The following LRMDA variants were observed in gnomAD, a reference collection of about 807,000 sequenced individuals.
LRMDA encodes leucine-rich melanocyte differentiation-associated protein.
Under a neutral mutation model 29.8 loss-of-function variants are expected in LRMDA, and 18 were observed. The ratio of observed to expected loss-of-function variants is 0.60; its 90% CI spans 0.42 to 0.90. The LOEUF (loss-of-function observed/expected upper bound fraction) is 0.90, where lower values mean the gene tolerates loss of function less well. LRMDA is among the 40% of genes least tolerant of loss of function. The probability of loss-of-function intolerance (pLI) is 0.00; values close to 1 mark genes in which losing one functional copy is unlikely to be tolerated. For missense variants in LRMDA, 273 were observed against 273.9 expected (o/e 1.00, Z 0.02); for synonymous variants, 125 against 109.4 (o/e 1.14, Z -0.89).
intron 2 of LRMDA, among the ~76,000 whole-genome samples, chr10:75,598,035 C>G (rs1452638546): frequency 6.6e-6 from 1 of 152,094 alleles, no homozygotes; most frequent in Non-Finnish European, 1.5e-5. Context: ...TTTGCTGCCC[C>G]CGTAGAGCCG....
At chr10:75,988,984 C>G (rs545694086) in intron 2 of LRMDA, among the ~76,000 whole-genome samples, 1 of 152,302 alleles carries the variant, frequency 6.6e-6, no homozygotes, top group Admixed American at 6.5e-5. Context: ...CTTCTCCCAC[C>G]CCAGCTACCT....
At chr10:75,458,989 G>A (rs1003444959) in intron 2 of LRMDA, among the ~76,000 whole-genome samples, 2 of 123,490 alleles carry the variant, frequency 1.6e-5, no homozygotes, top group African/African-American at 3.2e-5. Flanking sequence ...TAACTTCAGG[G>A]TCTGCTTTAG....
At chr10:76,304,818 C>T (rs1840531052) in intron 5 of LRMDA, among the ~76,000 whole-genome samples, 1 of 152,152 alleles carries the variant, frequency 6.6e-6, no homozygotes, top group Admixed American at 6.5e-5. Context: ...GAAGACTAGG[C>T]TTTGCAAAGA....
At chr10:75,922,278 A>G (rs1185807334) in intron 2 of LRMDA, among the ~76,000 whole-genome samples, 1 of 152,188 alleles carries the variant, frequency 6.6e-6, no homozygotes, top group African/African-American at 2.4e-5. Flanking sequence ...TGCCACCTTA[A>G]TGGTCTCTCT....
intron 2 of LRMDA, among the ~76,000 whole-genome samples, chr10:75,829,291 A>T (rs1195500963): frequency 3.3e-5 from 5 of 152,094 alleles, no homozygotes; most frequent in Non-Finnish European, 1.5e-5. Flanking sequence ...CATCCACCCA[A>T]GGCCAGCCCA....
rs542814631 is a variant in LRMDA, at chr10:76,229,719, G to A, written c.517-94682G>A. The stretch of plus-strand genomic sequence containing the variant: ...CCCCACACTTTGAGGTATCTCTTCC[G>A]AGCCCGTGTCTTTGCGGGTGGGAGG... On this transcript the variant is annotated intron_variant, in intron 5 of 6. Coordinates refer to ENST00000611255, the MANE Select transcript of LRMDA (RefSeq NM_001305581.2). Among the ~76,000 whole-genome samples the A allele has an allele frequency of 3.3e-5, 5 of 152,186 alleles. No individual in the cohort carries two copies. In the East Asian group the frequency reaches 5.8e-4, roughly 18 times the overall value.
intron 2 of LRMDA, among the ~76,000 whole-genome samples, chr10:75,684,338 T>C (rs1422566807): frequency 1.3e-5 from 2 of 152,136 alleles, no homozygotes; most frequent in Non-Finnish European, 2.9e-5. Flanking sequence ...TGCGTTGTTG[T>C]TACATCTTTC....
intron 5 of LRMDA, among the ~76,000 whole-genome samples, chr10:76,119,004 G>C (rs1849717988): frequency 6.6e-6 from 1 of 152,002 alleles, no homozygotes; most frequent in South Asian, 2.1e-4. Flanking sequence ...GGAAAGTGAG[G>C]ATGAAGTTCC....
At chr10:76,167,923 AT>A (rs1324751125) in intron 5 of LRMDA, among the ~76,000 whole-genome samples, 1 of 151,790 alleles carries the variant, frequency 6.6e-6, no homozygotes, top group East Asian at 1.9e-4. Context: ...GTCATTTCTG[AT>A]TTTTTTGAGC....
At chr10:75,730,393 T>C (rs1842681910) in intron 2 of LRMDA, among the ~76,000 whole-genome samples, 1 of 152,168 alleles carries the variant, frequency 6.6e-6, no homozygotes, top group South Asian at 2.1e-4. Context: ...TGGTGACTGA[T>C]CTGTCCCTCC....
intron 2 of LRMDA, among the ~76,000 whole-genome samples, chr10:75,471,099 G>A (rs367581360): frequency 1.3e-5 from 2 of 152,186 alleles, no homozygotes; most frequent in Non-Finnish European, 2.9e-5. Flanking sequence ...TTACAGTCAC[G>A]TTCTTGGTGT....
At chr10:75,514,030 A>G (rs937011605) in intron 2 of LRMDA, among the ~76,000 whole-genome samples, 1 of 152,030 alleles carries the variant, frequency 6.6e-6, no homozygotes, top group African/African-American at 2.4e-5. Flanking sequence ...TTCTGGAATC[A>G]CCTTAACTGT....
At chr10:75,895,709 C>T (rs567840002) in intron 2 of LRMDA, among the ~76,000 whole-genome samples, 7 of 152,236 alleles carry the variant, frequency 4.6e-5, no homozygotes, top group Non-Finnish European at 1.0e-4. Flanking sequence ...GTTCCTTGCA[C>T]AAAGAAATTG....
intron 6 of LRMDA, among the ~76,000 whole-genome samples, chr10:76,341,753 T>A (rs1841044709): frequency 6.6e-6 from 1 of 152,200 alleles, no homozygotes; most frequent in Non-Finnish European, 1.5e-5. Flanking sequence ...CCCCTTTCCC[T>A]GCATGTGGGC....
At chr10:75,727,952 T>TC (rs1314272830) in intron 2 of LRMDA, among the ~76,000 whole-genome samples, 1 of 152,194 alleles carries the variant, frequency 6.6e-6, no homozygotes. Flanking sequence ...TTGATTTTTT[T>TC]CCCCTTAATA....
chr10:75,552,388 G>T (rs905653168), intron 2 of LRMDA: 4 of 231,694 alleles, frequency 1.7e-5, no homozygotes, highest in Non-Finnish European at 3.8e-5. Context: ...TGAGCAGTGC[G>T]CTGTCATTCT....
chr10:76,243,270 A>G (rs1447161396), intron 5 of LRMDA, among the ~76,000 whole-genome samples: 1 of 152,236 alleles, frequency 6.6e-6, no homozygotes, highest in Non-Finnish European at 1.5e-5. Context: ...TGAAGAGATC[A>G]TTATAAAGAG....
intron 2 of LRMDA, among the ~76,000 whole-genome samples, chr10:75,792,574 T>G (rs1295902702): frequency 1.3e-5 from 2 of 152,176 alleles, no homozygotes; most frequent in Non-Finnish European, 2.9e-5. Context: ...GTGTATTTTT[T>G]TAACCATTGA....
At chr10:76,302,148 A>T (rs984830180) in intron 5 of LRMDA, among the ~76,000 whole-genome samples, 2 of 152,138 alleles carry the variant, frequency 1.3e-5, no homozygotes, top group African/African-American at 2.4e-5. Context: ...TGCTCATGGA[A>T]CATACTTCTC....
Sources: allele counts gnomAD v4.1 joint callset (sites outside exome capture counted in the v4.1 genomes callset), GRCh38; gene constraint gnomAD v4.1.1; transcripts MANE v1.5; gene names NCBI Gene and HGNC (gene_info 2026-07-23, HGNC 2026-07-21).